CPNE1: variants seen among roughly 807,000 people sequenced by gnomAD.
CPNE1 encodes copine 1.
In CPNE1, 58 loss-of-function variants were observed where a neutral mutation model predicts 63.2. The observed-to-expected ratio is 0.92, with a 90% CI of 0.74 to 1.14. The LOEUF (loss-of-function observed/expected upper bound fraction) is 1.14. Among genes scored for constraint, CPNE1 ranks in the 50% most tolerant of loss-of-function variants. The pLI is 0.00. For synonymous variants in CPNE1, 237 were observed against 249.0 expected (o/e 0.95, Z 0.45); for missense variants, 672 against 661.7 (o/e 1.02, Z -0.17).
chr20:35,638,624 A>G (rs1475463708), intron 1 of CPNE1, among the ~76,000 whole-genome samples: 1 of 152,200 alleles, frequency 6.6e-6, no homozygotes, highest in Admixed American at 6.5e-5. Context: ...CTAGCCCAAG[A>G]GCGATTCCAC....
chr20:35,649,201 C>T (rs945412601), intron 1 of CPNE1: 2 of 152,158 alleles, frequency 1.3e-5, no homozygotes. Flanking sequence ...GAAATTCTTT[C>T]CAAAAGATTT....
chr20:35,660,808 A>C (rs1465504165), intron 1 of CPNE1, among the ~76,000 whole-genome samples: 4 of 152,184 alleles, frequency 2.6e-5, no homozygotes, highest in Admixed American at 6.5e-5. Flanking sequence ...ATAAGGTAAG[A>C]AGGTTCCTCT....
chr20:35,641,925 G>A (rs1366213028), intron 1 of CPNE1, among the ~76,000 whole-genome samples: 1 of 152,234 alleles, frequency 6.6e-6, no homozygotes, highest in Non-Finnish European at 1.5e-5. Flanking sequence ...GCTTGCAAGA[G>A]CCAACTGTTA....
chr20:35,626,885 C>A, intron 14 of CPNE1, 82 bp from the exon 15 acceptor site: 1 of 1,135,674 alleles, frequency 8.8e-7, no homozygotes, highest in South Asian at 1.3e-5. Flanking sequence ...TCCCCACACT[C>A]ATAAGAAGTC....
intron 1 of CPNE1, among the ~76,000 whole-genome samples, chr20:35,642,852 GTATT>G (rs1269718007): frequency 2.6e-5 from 4 of 152,156 alleles, no homozygotes; most frequent in African/African-American, 9.7e-5. Flanking sequence ...CTGACACAAA[GTATT>G]TGGCAACACT....
chr20:35,653,321 G>A, intron 1 of CPNE1: 2 of 1,613,886 alleles, frequency 1.2e-6, no homozygotes, highest in Non-Finnish European at 1.7e-6. Flanking sequence ...CCTGCACCGG[G>A]AAGTCCTGCA....
intron 13 of CPNE1, among the ~76,000 whole-genome samples, chr20:35,630,002 C>A (rs1375180984): frequency 6.6e-6 from 1 of 152,190 alleles, no homozygotes; most frequent in African/African-American, 2.4e-5. Flanking sequence ...CTCTAAAATC[C>A]ACCCTCTGGG....
rs766242861 is a variant in CPNE1, at chr20:35,626,334, T to C, written c.1521A>G (p.Thr507=). ...GGGCCCTGAAGTATGAGACCAGTTG[T>C]GTGGGCACTTCTGCGAGCACGGTCT... The part of the protein sequence containing the change: ...LAQTVLAEVP[T]QLVSYFRAQG... Residue 507 remains threonine (T), a synonymous_variant, in exon 16 of 16, where the codon ACA becomes ACG. Coordinates refer to ENST00000397443, the MANE Select transcript of CPNE1 (RefSeq NM_152925.3). 2.5e-6 allele frequency: 4 copies of C among 1,614,070 alleles called. No homozygotes were observed. Among genetic ancestry groups the C allele is most frequent in the South Asian group, 2.2e-5 (2 of 91,078 alleles).
intron 1 of CPNE1, among the ~76,000 whole-genome samples, chr20:35,638,385 A>G (rs2032608888): frequency 6.6e-6 from 1 of 152,234 alleles, no homozygotes; most frequent in Non-Finnish European, 1.5e-5. Flanking sequence ...AAATATGTGA[A>G]TCAGAAATAA....
chr20:35,631,080 G>T lies in CPNE1; in HGVS notation c.861+34C>A. The T allele has an allele frequency of 6.2e-7, 1 of 1,614,148 alleles. No homozygotes were observed. Among genetic ancestry groups the T allele is most frequent in the South Asian group, 1.1e-5 (1 of 91,064 alleles). ...CAGCTAAAGGCCACCCTGAGCCCCA[G>T]ACCTGTTCTCTTGCCCTTGGTAAAG... On this transcript the variant is annotated intron_variant, in intron 10 of 15. Transcript: ENST00000397443.
intron 1 of CPNE1, among the ~76,000 whole-genome samples, chr20:35,641,387 G>A (rs1404388951): frequency 6.6e-6 from 1 of 152,172 alleles, no homozygotes; most frequent in Non-Finnish European, 1.5e-5. Context: ...CAGTGGGCAA[G>A]AGTGTGGGTT....
At chr20:35,662,197 A>G (rs1568946691) in intron 1 of CPNE1, among the ~76,000 whole-genome samples, 3 of 152,226 alleles carry the variant, frequency 2.0e-5, no homozygotes, top group Non-Finnish European at 4.4e-5. Context: ...ACATTTCTAA[A>G]TAAGATATTC....
At chr20:35,646,252 CAAAAAAAAAAAAA>C (rs549372063) in intron 1 of CPNE1, among the ~76,000 whole-genome samples, 3 of 58,362 alleles carry the variant, frequency 5.1e-5, no homozygotes, top group South Asian at 4.7e-4. Flanking sequence ...AAGACCATCT[CAAAAAAAAAAAAA>C]AAAAAAAAAA....
chr20:35,653,054 C>A, intron 1 of CPNE1: 2 of 1,613,966 alleles, frequency 1.2e-6, no homozygotes, highest in Non-Finnish European at 8.5e-7. Flanking sequence ...CTGTTTCCAA[C>A]TGAAGGCATA....
At chr20:35,635,111 A>C (rs1189827011) in intron 1 of CPNE1, among the ~76,000 whole-genome samples, 6 of 151,876 alleles carry the variant, frequency 4.0e-5, no homozygotes, top group African/African-American at 1.2e-4. Context: ...CATTATATCC[A>C]CATGGCTCAC....
In CPNE1 at chr20:35,629,235, T is replaced by G. The variant is rs142844769; in HGVS notation, c.1102+1204A>C. Among the ~76,000 whole-genome samples, 404 of 152,370 alleles carry G rather than the reference T, an allele frequency of 2.7e-3. 2 individuals carry two copies. Among genetic ancestry groups the G allele is most frequent in the African/African-American group, 9.3e-3 (387 of 41,592 alleles). On this transcript the variant is annotated intron_variant, in intron 13 of 15. Transcript: ENST00000397443. ...CCTGAGTTCCAAGGGACTGAGCTCCTATGACTATTCTTGCAACTTTTCTCT... is the reference window on the plus strand; with the variant it reads ...CCTGAGTTCCAAGGGACTGAGCTCCGATGACTATTCTTGCAACTTTTCTCT...
At chr20:35,631,827 G>A (rs375119682) in intron 6 of CPNE1, 50 bp from the exon 7 acceptor site, 7 of 1,564,640 alleles carry the variant, frequency 4.5e-6, no homozygotes, top group Non-Finnish European at 6.2e-6. Flanking sequence ...GGCCCCCTGA[G>A]GAGCTGCCAC....
At position 35,631,504 on chromosome 20, in the gene CPNE1, C is replaced by A. The variant is rs1568911647; in HGVS notation, c.702G>T (p.Leu234=). 2 of 1,613,894 alleles carry A rather than the reference C, an allele frequency of 1.2e-6. No homozygotes were observed. Among genetic ancestry groups the A allele is most frequent in the Admixed American group, 3.3e-5 (2 of 59,994 alleles). ...IGTFHTSLAQ[L]QAVPAEFECI... ...GACCAGCACTCACCGGGACTGCCTG[C>A]AGCTGGGCCAAGCTGGTGTGGAAGG... The change falls in exon 8 of 16, where the codon CTG becomes CTT. Residue 234 remains leucine, a synonymous_variant. Coordinates refer to ENST00000397443, the MANE Select transcript of CPNE1 (RefSeq NM_152925.3).
In CPNE1 at chr20:35,626,667, A is replaced by G. The variant is rs1283018875; in HGVS notation, c.1373T>C (p.Met458Thr). Residue 458 changes from methionine to threonine, a missense_variant, in exon 15 of 16, where the codon ATG becomes ACG. Met to Thr is a moderately conservative substitution (Grantham distance 81). Transcript: ENST00000397443. The part of the protein sequence containing the change: ...VGVGGADFEA[M>T]EQLDADGGPL... ...TCCACCATCAGCGTCCAGCTGCTCC[A>G]TGGCCTCAAAGTCAGCACCACCCAC... 2 of 1,614,150 alleles carry G rather than the reference A, an allele frequency of 1.2e-6. No individual in the cohort carries two copies. Among genetic ancestry groups the G allele is most frequent in the Non-Finnish European group, 1.7e-6 (2 of 1,180,030 alleles).
Sources: gnomAD v4.1 joint callset for allele counts (sites outside exome capture counted in the v4.1 genomes callset) on GRCh38, gnomAD v4.1.1 for gene constraint, MANE v1.5 for transcripts, NCBI Gene and HGNC (gene_info 2026-07-23, HGNC 2026-07-21) for gene names.